Variants in MSR1 observed in about 807,000 individuals in gnomAD.
The protein encoded by MSR1 is macrophage scavenger receptor types I and II.
A neutral mutation model predicts 47.2 loss-of-function variants in MSR1; 53 were observed. That is an observed-to-expected ratio of 1.12 (90% CI 0.90 to 1.41). The LOEUF is 1.41. MSR1 is among the 40% of genes most tolerant of loss of function. The pLI, the probability that MSR1 is intolerant of heterozygous loss-of-function variation, is 0.00. For synonymous variants in MSR1, 239 were observed against 185.6 expected (o/e 1.29, Z -2.34); for missense variants, 786 against 546.9 (o/e 1.44, Z -4.36).
intron 8 of MSR1, among the ~76,000 whole-genome samples, chr8:16,129,322 G>C (rs1800200898): frequency 6.6e-6 from 1 of 152,080 alleles, no homozygotes; most frequent in Admixed American, 6.6e-5. Flanking sequence ...TGAGTAAGAA[G>C]TAGAAAATGA....
intron 1 of MSR1, among the ~76,000 whole-genome samples, chr8:16,188,259 T>C (rs915677570): frequency 2.6e-5 from 4 of 152,250 alleles, no homozygotes; most frequent in Admixed American, 2.6e-4. Context: ...CCTTACTTTT[T>C]TGTTTTTATT....
rs36022730 is a variant in MSR1 at position 16,123,584 on chromosome 8, A to ATG, written c.1034-2980_1034-2979dup. ...TATAAAGATTTCAGAAGACATGTAT[A>ATG]TGTGTGTGTGTGTGTGTGTGTCTGG... On this transcript the variant is annotated intron_variant, in intron 8 of 9. Transcript: ENST00000262101. Among the ~76,000 whole-genome samples the ATG allele has an allele frequency of 6.5e-4, 97 of 148,662 alleles. 1 individual carries two copies. Among genetic ancestry groups the ATG allele is most frequent in the South Asian group, 3.1e-3 (14 of 4,546 alleles).
chr8:16,130,580 C>T (rs1022660489), intron 8 of MSR1, among the ~76,000 whole-genome samples: 1 of 151,986 alleles, frequency 6.6e-6, no homozygotes, highest in African/African-American at 2.4e-5. Flanking sequence ...ATTATTTTGT[C>T]TTCGAGGTAA....
At chr8:16,137,696 C>G (rs985669521) in intron 8 of MSR1, among the ~76,000 whole-genome samples, 6 of 152,092 alleles carry the variant, frequency 3.9e-5, no homozygotes, top group Admixed American at 3.9e-4. Flanking sequence ...GTATAATGCA[C>G]CAAAAACCCT....
At chr8:16,124,906 A>C (rs2117071783) in intron 8 of MSR1, among the ~76,000 whole-genome samples, 1 of 152,314 alleles carries the variant, frequency 6.6e-6, no homozygotes, top group South Asian at 2.1e-4. Context: ...TAAAATATCA[A>C]ATCATAGAAG....
chr8:16,183,317 T>C (rs961788192), intron 1 of MSR1, among the ~76,000 whole-genome samples: 1 of 151,978 alleles, frequency 6.6e-6, no homozygotes, highest in African/African-American at 2.4e-5. Context: ...TTGAATCTGA[T>C]AAACATCTTT....
At chr8:16,132,171 T>C (rs6983500) in intron 8 of MSR1, among the ~76,000 whole-genome samples, 20 of 152,124 alleles carry the variant, frequency 1.3e-4, no homozygotes, top group Non-Finnish European at 2.2e-4. Context: ...CTTTGAGCAG[T>C]GGTTTGTAGT....
chr8:16,125,114 C>T (rs1332264360), intron 8 of MSR1, among the ~76,000 whole-genome samples: 1 of 152,102 alleles, frequency 6.6e-6, no homozygotes, highest in Admixed American at 6.5e-5. Flanking sequence ...TCAGAGAAGC[C>T]TGAGACATTA....
chr8:16,155,663 G>A (rs1040417643), intron 5 of MSR1, among the ~76,000 whole-genome samples: 2 of 151,850 alleles, frequency 1.3e-5, no homozygotes, highest in African/African-American at 2.4e-5. Flanking sequence ...ACTGTAGATC[G>A]GCGTGAATGG....
In MSR1 at chr8:16,168,610, T is replaced by G. The variant is rs1801388088; in HGVS notation, c.478A>C (p.Ser160Arg). ...CCCTGGACTGAGGAAAACAAGGTAC[T>G]TAGCTGCAGAAGAATGTCATTAAAT... ...QRFNDILLQL[S>R]TLFSSVQGHG... Residue 160 changes from serine to arginine, a missense_variant, in exon 4 of 10, where the codon AGT becomes CGT. By Grantham distance (110) the Ser-to-Arg change is moderately radical (BLOSUM62 -1). Transcript: ENST00000262101. 6.2e-7 allele frequency: 1 copy of G among 1,614,052 alleles called. No individual in the cohort carries two copies. Among genetic ancestry groups the G allele is most frequent in the Admixed American group, 1.7e-5 (1 of 60,000 alleles).
intron 1 of MSR1, among the ~76,000 whole-genome samples, chr8:16,189,233 T>C (rs1399646233): frequency 7.2e-6 from 1 of 138,962 alleles, no homozygotes; most frequent in Non-Finnish European, 1.5e-5. Context: ...TAAAATCTTA[T>C]TTTATATATA....
rs987053936 is a variant in MSR1, at chr8:16,181,885, G to C, written c.-4-3893C>G. On this transcript the variant is annotated intron_variant, in intron 1 of 9. Transcript: ENST00000262101. ...TGCTTTTTAACTTTGAACTCAGTTT[G>C]TAAAAGATGGATTCGCAAAAATTGT... is the stretch of plus-strand genomic sequence containing the variant. Among the ~76,000 whole-genome samples, 7 of 152,216 alleles carry C rather than the reference G, an allele frequency of 4.6e-5. No homozygotes were observed. The East Asian group carries it at 1.2e-3, about 25-fold the overall frequency.
intron 9 of MSR1, 46 bp downstream of exon 9, chr8:16,120,372 G>C: frequency 6.2e-7 from 1 of 1,600,596 alleles, no homozygotes; most frequent in Non-Finnish European, 8.6e-7. Context: ...ATGAGACTCT[G>C]TCTGAAACAA....
intron 1 of MSR1, among the ~76,000 whole-genome samples, chr8:16,185,106 G>A (rs1439077616): frequency 6.6e-6 from 1 of 151,728 alleles, no homozygotes; most frequent in Non-Finnish European, 1.5e-5. Flanking sequence ...ATGTTCAAAA[G>A]GGATTGGTTT....
chr8:16,174,925 A>G (rs994760277), intron 3 of MSR1, among the ~76,000 whole-genome samples: 2 of 152,014 alleles, frequency 1.3e-5, no homozygotes, highest in Non-Finnish European at 2.9e-5. Flanking sequence ...CGTCCTTTTC[A>G]TTTTACTATT....
rs761566052 is a variant in MSR1, at chr8:16,175,255, T to C, written c.149A>G (p.Lys50Arg). ...PSLQEKLKSF[K>R]AALIALYLLV... The stretch of plus-strand genomic sequence containing the variant: ...GAGGTAAAGGGCAATCAGTGCAGCT[T>C]TGAAGGACTTCAGTTTCTCTTGAAG... The change falls in exon 3 of 10, where the codon AAA becomes AGA. Residue 50 changes from lysine (K) to arginine (R), a missense_variant. Transcript: ENST00000262101. 15 of 1,614,114 alleles carry C rather than the reference T, an allele frequency of 9.3e-6. No individual in the cohort carries two copies. Among genetic ancestry groups the C allele is most frequent in the Admixed American group, 1.7e-5 (1 of 60,030 alleles).
chr8:16,192,475 A>G (rs1802226249), intron 1 of MSR1, 123 bp downstream of exon 1: 1 of 136,592 alleles, frequency 7.3e-6, no homozygotes, highest in Admixed American at 7.7e-5. Context: ...CTCATCATAC[A>G]CACACAGACA....
chr8:16,142,309 G>A (rs983775847), intron 8 of MSR1, among the ~76,000 whole-genome samples: 2 of 151,988 alleles, frequency 1.3e-5, no homozygotes, highest in East Asian at 1.9e-4. Context: ...CCATCCTGGC[G>A]ACAGAGCGAG....
At chr8:16,146,158 C>T (rs1800691206) in intron 7 of MSR1, among the ~76,000 whole-genome samples, 1 of 152,030 alleles carries the variant, frequency 6.6e-6, no homozygotes, top group African/African-American at 2.4e-5. Flanking sequence ...TGTAGGCCGC[C>T]TTTCCATCCC....
Sources: gnomAD v4.1 joint callset for allele counts (sites outside exome capture counted in the v4.1 genomes callset) on GRCh38, gnomAD v4.1.1 for gene constraint, MANE v1.5 for transcripts, NCBI Gene and HGNC (gene_info 2026-07-23, HGNC 2026-07-21) for gene names.